Variants in BTBD9 observed in about 807,000 individuals in gnomAD.
BTBD9 encodes the protein BTB domain containing 9.
Under a neutral mutation model 64.3 loss-of-function variants are expected in BTBD9, and 49 were observed. That is an observed-to-expected ratio of 0.76 (90% CI 0.61 to 0.97). The LOEUF is 0.97. Among genes scored for constraint, BTBD9 ranks in the 50% least tolerant of loss-of-function variants. The probability of loss-of-function intolerance (pLI) is 0.00; values close to 1 mark genes in which losing one functional copy is unlikely to be tolerated. For missense variants in BTBD9, 598 were observed against 762.1 expected, an observed-to-expected ratio of 0.78 and a Z score of 2.53; for synonymous variants, 260 against 274.7, an observed-to-expected ratio of 0.95 and a Z score of 0.53.
chr6:38,443,380 T>G (rs1458494011), intron 6 of BTBD9, among the ~76,000 whole-genome samples: 1 of 152,208 alleles, frequency 6.6e-6, no homozygotes, highest in Non-Finnish European at 1.5e-5. Context: ...TGTTATCACC[T>G]AACTGTTCAC....
At chr6:38,280,678 G>A (rs1761476283) in intron 8 of BTBD9, among the ~76,000 whole-genome samples, 1 of 152,222 alleles carries the variant, frequency 6.6e-6, no homozygotes, top group African/African-American at 2.4e-5. Flanking sequence ...CATGGAACAA[G>A]TGAGGCAAGC....
chr6:38,195,721 T>A (rs935073962), intron 9 of BTBD9, among the ~76,000 whole-genome samples: 6 of 152,116 alleles, frequency 3.9e-5, no homozygotes, highest in Non-Finnish European at 1.5e-5. Flanking sequence ...TTTAAATTTT[T>A]AATTATTTTT....
chr6:38,265,968 G>C (rs1764957924), intron 8 of BTBD9, among the ~76,000 whole-genome samples: 1 of 152,164 alleles, frequency 6.6e-6, no homozygotes, highest in Admixed American at 6.5e-5. Flanking sequence ...ATTAGATACT[G>C]AGTGTGGAAT....
At chr6:38,500,962 A>C (rs769067178) in intron 6 of BTBD9, among the ~76,000 whole-genome samples, 5 of 152,210 alleles carry the variant, frequency 3.3e-5, no homozygotes, top group Non-Finnish European at 7.3e-5. Flanking sequence ...CCAAATGTTT[A>C]ATGTATACAA....
rs139336239 is a variant in BTBD9 at position 38,365,011 on chromosome 6, A to C, written c.1155-19918T>G. Among the ~76,000 whole-genome samples the C allele has an allele frequency of 3.2e-4, 49 of 152,314 alleles. No individual in the cohort carries two copies. In the East Asian group the frequency reaches 7.3e-3, roughly 23 times the overall value. On this transcript the variant is annotated intron_variant, in intron 6 of 10. Coordinates refer to ENST00000481247, the MANE Select transcript of BTBD9 (RefSeq NM_001099272.2). ...GCTTGGGGGAGACTGTGAGTAATCCAGTCTCCAAAGGTATTTTTAGGACTA... is the reference window on the plus strand; with the variant it reads ...GCTTGGGGGAGACTGTGAGTAATCCCGTCTCCAAAGGTATTTTTAGGACTA...
At chr6:38,375,942 G>GAAAGAAA (rs1562098258) in intron 6 of BTBD9, among the ~76,000 whole-genome samples, 36 of 26,194 alleles carry the variant, frequency 1.4e-3, no homozygotes, top group East Asian at 6.6e-3. Context: ...AAAGAAAGAA[G>GAAAGAAA]GAAAGAAGGA....
chr6:38,429,890 A>G (rs531612746), intron 6 of BTBD9, among the ~76,000 whole-genome samples: 1 of 152,110 alleles, frequency 6.6e-6, no homozygotes, highest in South Asian at 2.1e-4. Context: ...GAAAATTCCA[A>G]AATCAGATCT....
intron 7 of BTBD9, among the ~76,000 whole-genome samples, chr6:38,327,740 C>T (rs1012928966): frequency 3.3e-5 from 5 of 152,198 alleles, no homozygotes; most frequent in Non-Finnish European, 7.3e-5. Context: ...TGTAGATCTG[C>T]TTTCGTTGTC....
intron 6 of BTBD9, among the ~76,000 whole-genome samples, chr6:38,486,092 C>T (rs1343394049): frequency 1.3e-5 from 2 of 152,182 alleles, no homozygotes; most frequent in African/African-American, 4.8e-5. Context: ...CAAGATGAAT[C>T]AACCTCTGCT....
chr6:38,375,932 A>AAAGG (rs1765670180), intron 6 of BTBD9, among the ~76,000 whole-genome samples: 1 of 134,698 alleles, frequency 7.4e-6, no homozygotes, highest in Non-Finnish European at 1.5e-5. Flanking sequence ...AGAAAGAAAG[A>AAAGG]AAGAAAGAAG....
chr6:38,557,017 A>C lies in BTBD9; in HGVS notation c.1154+20583T>G, dbSNP rs1196859207. Among the ~76,000 whole-genome samples, 25 of 23,862 alleles carry C rather than the reference A, an allele frequency of 1.0e-3. 2 individuals carry two copies. The highest frequency in any genetic ancestry group is 4.6e-3 in the African/African-American group (20 of 4,364). 15.7% of individuals were successfully genotyped at this position (23,862 alleles called of 152,430 possible). The stretch of plus-strand genomic sequence containing the variant: ...AACAGAGCGAGACTCCATCTCACCA[A>C]AAAAAAAAAAAAAAAAAAAAAAAAA... On this transcript the variant is annotated intron_variant, in intron 6 of 10. Coordinates refer to ENST00000481247, the MANE Select transcript of BTBD9 (RefSeq NM_001099272.2).
chr6:38,328,619 GC>G (rs1763538679), intron 7 of BTBD9, among the ~76,000 whole-genome samples: 1 of 125,030 alleles, frequency 8.0e-6, no homozygotes, highest in African/African-American at 3.1e-5. Context: ...GTGTTTTATG[GC>G]TGTCCTAGCA....
chr6:38,286,963 T>A (rs1761751872), intron 8 of BTBD9, among the ~76,000 whole-genome samples: 1 of 149,972 alleles, frequency 6.7e-6, no homozygotes, highest in South Asian at 2.1e-4. Flanking sequence ...GTGCCTATAA[T>A]CCCAGCTACT....
intron 10 of BTBD9, among the ~76,000 whole-genome samples, chr6:38,180,860 G>A (rs181160510): frequency 2.0e-5 from 3 of 152,316 alleles, no homozygotes; most frequent in Non-Finnish European, 2.9e-5. Flanking sequence ...GAATGTGGTC[G>A]TGTGTATGAA....
chr6:38,531,167 T>C (rs1773782827), intron 6 of BTBD9, among the ~76,000 whole-genome samples: 1 of 152,138 alleles, frequency 6.6e-6, no homozygotes, highest in African/African-American at 2.4e-5. Context: ...CCTGAACACA[T>C]TTAATAATCA....
intron 8 of BTBD9, among the ~76,000 whole-genome samples, chr6:38,284,524 A>G (rs1258406312): frequency 6.6e-6 from 1 of 152,096 alleles, no homozygotes. Context: ...TCCACACTAG[A>G]TTAAAGATTC....
At chr6:38,218,566 T>C (rs1213022240) in intron 9 of BTBD9, among the ~76,000 whole-genome samples, 2 of 152,244 alleles carry the variant, frequency 1.3e-5, no homozygotes, top group Non-Finnish European at 1.5e-5. Flanking sequence ...TCATTTCTAC[T>C]TTAGATCCCT....
chr6:38,331,804 A>G (rs936879794), intron 7 of BTBD9, among the ~76,000 whole-genome samples: 5 of 152,194 alleles, frequency 3.3e-5, no homozygotes, highest in Non-Finnish European at 5.9e-5. Context: ...GGCTGCAGTG[A>G]GCTGTGATTG....
At chr6:38,532,333 G>T (rs1368934854) in intron 6 of BTBD9, among the ~76,000 whole-genome samples, 1 of 152,122 alleles carries the variant, frequency 6.6e-6, no homozygotes, top group Non-Finnish European at 1.5e-5. Flanking sequence ...AGTTCTCTGG[G>T]ATCCTAAATA....
Sources: allele counts gnomAD v4.1 joint callset (sites outside exome capture counted in the v4.1 genomes callset), GRCh38; gene constraint gnomAD v4.1.1; transcripts MANE v1.5; gene names NCBI Gene and HGNC (gene_info 2026-07-23, HGNC 2026-07-21).